The following ZNF322 variants were observed in gnomAD, a reference collection of about 807,000 sequenced individuals.
ZNF322 encodes the protein HLA complex group 12.
A neutral mutation model predicts 18.3 loss-of-function variants in ZNF322; 1 was observed. That is an observed-to-expected ratio of 0.05 (90% CI 0.02 to 0.26). ZNF322 has a LOEUF of 0.26. ZNF322 is among the 10% of genes least tolerant of loss of function. ZNF322 has a pLI of 1.00. For missense variants in ZNF322, 36 were observed against 403.6 expected (o/e 0.09, Z 7.80); for synonymous variants, 17 against 130.7 (o/e 0.13, Z 5.93).
Position 26,659,336 on chromosome 6 carries a change from T to C in ZNF322, c.-335+105A>G, listed in dbSNP as rs1158063671. 3.7e-5 allele frequency: 6 copies of C among 160,574 alleles called. 1 individual carries two copies. The highest frequency in any genetic ancestry group is 1.4e-4 in the African/African-American group (6 of 41,598). 9.9% of individuals were successfully genotyped at this position (160,574 alleles called of 1,614,324 possible). On this transcript the variant is annotated intron_variant, in intron 1 of 3. Transcript: ENST00000415922. ...TCCGCCGTCAGCGGAGACCAGACCA[T>C]GCTCAGTGTCCAGGAACAGGGGCTG...
intron 2 of ZNF322, among the ~76,000 whole-genome samples, chr6:26,644,568 T>G (rs1180755282): frequency 2.0e-5 from 3 of 152,252 alleles, no homozygotes; most frequent in Non-Finnish European, 4.4e-5. Context: ...GCCCAGTTAT[T>G]TGACAACTCC....
At chr6:26,653,870 T>C (rs1765716377) in intron 2 of ZNF322, among the ~76,000 whole-genome samples, 1 of 152,034 alleles carries the variant, frequency 6.6e-6, no homozygotes, top group African/African-American at 2.4e-5. Flanking sequence ...AATACATGAA[T>C]GAACTAATGA....
At chr6:26,639,410 G>A (rs574268259) in intron 3 of ZNF322, among the ~76,000 whole-genome samples, 9 of 152,156 alleles carry the variant, frequency 5.9e-5, no homozygotes, top group African/African-American at 1.9e-4. Flanking sequence ...GAAAAATCCT[G>A]ACTGATTATA....
chr6:26,653,296 G>A (rs782111758), intron 2 of ZNF322, among the ~76,000 whole-genome samples: 6 of 152,098 alleles, frequency 3.9e-5, no homozygotes, highest in Non-Finnish European at 7.4e-5. Context: ...GTACAATCTC[G>A]TCCGGAGGGG....
chr6:26,657,237 G>A (rs1389539974), intron 2 of ZNF322, among the ~76,000 whole-genome samples: 15 of 148,120 alleles, frequency 1.0e-4, no homozygotes, highest in South Asian at 4.3e-4. Flanking sequence ...ATGACAGAGC[G>A]AAGACTCCAT....
At chr6:26,643,460 C>A (rs1463925951) in intron 3 of ZNF322, among the ~76,000 whole-genome samples, 199 bp downstream of exon 3, 1 of 152,188 alleles carries the variant, frequency 6.6e-6, no homozygotes, top group Non-Finnish European at 1.5e-5. Context: ...TCTTTCCTTA[C>A]CATATACAGT....
At chr6:26,644,551 A>C (rs2113662953) in intron 2 of ZNF322, among the ~76,000 whole-genome samples, 1 of 152,344 alleles carries the variant, frequency 6.6e-6, no homozygotes, top group South Asian at 2.1e-4. Flanking sequence ...TCTGGACAGA[A>C]TGTATGGCCC....
In ZNF322 at chr6:26,638,564, T is replaced by C; in HGVS notation, c.-11A>G. The C allele has an allele frequency of 6.3e-7, 1 of 1,580,382 alleles. No homozygotes were observed. Among genetic ancestry groups the C allele is most frequent in the Non-Finnish European group, 8.6e-7 (1 of 1,159,442 alleles). ...TTCTGAAGTGTACATTTTCTATGGC[T>C]CTCTCCTAGGGAGTTTTCCGCTGGT... On this transcript the variant is annotated 5_prime_UTR_variant, in exon 4 of 4. Transcript: ENST00000415922.
At chr6:26,643,167 C>T (rs1765495333) in intron 3 of ZNF322, among the ~76,000 whole-genome samples, 1 of 152,214 alleles carries the variant, frequency 6.6e-6, no homozygotes, top group Non-Finnish European at 1.5e-5. Context: ...ATCCTTAGGG[C>T]CTTTGCCCTT....
chr6:26,644,737 G>A (rs1192695524), intron 2 of ZNF322, among the ~76,000 whole-genome samples: 6 of 152,138 alleles, frequency 3.9e-5, no homozygotes, highest in Admixed American at 2.0e-4. Flanking sequence ...GTTGTAAAAC[G>A]TAATTGTCAA....
chr6:26,641,404 A>C (rs917931235), intron 3 of ZNF322, among the ~76,000 whole-genome samples: 2 of 152,184 alleles, frequency 1.3e-5, no homozygotes, highest in Non-Finnish European at 2.9e-5. Context: ...GCTAACAAGA[A>C]TAGGGAAGTC....
chr6:26,642,663 C>T lies in ZNF322; in HGVS notation c.-176+996G>A, dbSNP rs1765486159. 2.0e-5 allele frequency among the ~76,000 whole-genome samples: 3 copies of T among 152,166 alleles called. No individual in the cohort carries two copies. The South Asian group carries it at 6.2e-4, about 32-fold the overall frequency. ...CCGTCATAATCTCAATCCTCAAAGC[C>T]TAACGTATCACAAGCATTACTCCTA... is the stretch of plus-strand genomic sequence containing the variant. On this transcript the variant is annotated intron_variant, in intron 3 of 3. Coordinates refer to ENST00000415922, the MANE Select transcript of ZNF322 (RefSeq NM_024639.5).
intron 2 of ZNF322, among the ~76,000 whole-genome samples, chr6:26,656,610 C>T (rs782580661): frequency 6.6e-6 from 1 of 152,036 alleles, no homozygotes; most frequent in Non-Finnish European, 1.5e-5. Context: ...AACTCAGAAT[C>T]ACAACTAAGT....
chr6:26,657,693 G>A (rs1162108459), intron 2 of ZNF322, among the ~76,000 whole-genome samples: 1 of 152,026 alleles, frequency 6.6e-6, no homozygotes, highest in African/African-American at 2.4e-5. Context: ...TACATTTGTT[G>A]AATAAATGAA....
At chr6:26,639,110 A>G (rs551799178) in intron 3 of ZNF322, among the ~76,000 whole-genome samples, 15 of 152,326 alleles carry the variant, frequency 9.8e-5, no homozygotes, top group African/African-American at 2.9e-4. Context: ...GGAAGAAAGT[A>G]GTTAATGATC....
chr6:26,648,125 T>C (rs568556213), intron 2 of ZNF322, among the ~76,000 whole-genome samples: 1 of 152,296 alleles, frequency 6.6e-6, no homozygotes, highest in African/African-American at 2.4e-5. Context: ...AGTGGAATTT[T>C]TGCAAAATTG....
Position 26,636,875 on chromosome 6 carries a change from A to C in ZNF322, c.*470T>G, listed in dbSNP as rs1475503594. 1.7e-5 allele frequency: 2 copies of C among 114,942 alleles called. No individual in the cohort carries two copies. Among genetic ancestry groups the C allele is most frequent in the East Asian group, 5.4e-4 (2 of 3,686 alleles). The allele number at this position is 114,942 out of a possible 1,614,324, so 7.1% of individuals were successfully genotyped here. A position where few individuals can be genotyped will look rare whatever the true frequency, so the allele number is the denominator to read the frequency against. The stretch of plus-strand genomic sequence containing the variant: ...GATGGGTAAGTCAGAGTTTTGTTAG[A>C]AGCTTTTTTCACACTTGCTGGGGCT... On this transcript the variant is annotated 3_prime_UTR_variant, in exon 4 of 4. Transcript: ENST00000415922.
Position 26,659,520 on chromosome 6 carries a change from T to C in ZNF322, c.-414A>G, listed in dbSNP as rs1554149986. On this transcript the variant is annotated 5_prime_UTR_variant, in exon 1 of 4. Transcript: ENST00000415922. ...TCCGGACACTCGAATCTGGGCTTCC[T>C]GGCGGCCGCAGACTCTGCGATAGTA... is the stretch of plus-strand genomic sequence containing the variant. The C allele has an allele frequency of 6.0e-6, 1 of 166,678 alleles. No homozygotes were observed. Among genetic ancestry groups the C allele is most frequent in the Non-Finnish European group, 1.5e-5 (1 of 68,120 alleles). The allele number at this position is 166,678 out of a possible 1,614,324, so 10.3% of individuals were successfully genotyped here. A position where few individuals can be genotyped will look rare whatever the true frequency, so the allele number is the denominator to read the frequency against.
intron 2 of ZNF322, among the ~76,000 whole-genome samples, chr6:26,645,250 G>A (rs1209931919): frequency 1.3e-5 from 2 of 152,120 alleles, no homozygotes; most frequent in Non-Finnish European, 2.9e-5. Flanking sequence ...AAAGCAGTAA[G>A]AATAAGAAGA....
Sources: gnomAD v4.1 joint callset for allele counts (sites outside exome capture counted in the v4.1 genomes callset) on GRCh38, gnomAD v4.1.1 for gene constraint, MANE v1.5 for transcripts, NCBI Gene and HGNC (gene_info 2026-07-23, HGNC 2026-07-21) for gene names.